UBXN8: variants seen among roughly 807,000 people sequenced by gnomAD.
UBXN8 encodes UBX domain protein 8.
UBXN8 carries 27 observed loss-of-function variants against 32.1 expected under a neutral mutation model. The ratio of observed to expected loss-of-function variants is 0.84; its 90% CI spans 0.62 to 1.16. UBXN8 has a LOEUF of 1.16. Ranked by LOEUF, UBXN8 falls within the 50% of genes most tolerant of loss-of-function variation. The pLI, the probability that UBXN8 is intolerant of heterozygous loss-of-function variation, is 0.00. For missense variants in UBXN8, 306 were observed against 311.4 expected (o/e 0.98, Z 0.13); for synonymous variants, 109 against 111.8 (o/e 0.98, Z 0.16).
Position 30,734,868 on chromosome 8 carries a change from G to A in UBXN8, c.622+1560G>A, listed in dbSNP as rs144486271. ...CTGAGGTAGCAGATCACTTGAGCCCGGGGCGTTGAGGCTGTGGTGAAATGT... is the reference window on the plus strand; with the variant it reads ...CTGAGGTAGCAGATCACTTGAGCCCAGGGCGTTGAGGCTGTGGTGAAATGT... On this transcript the variant is annotated intron_variant, in intron 1 of 1. Coordinates refer to the UBXN8 transcript ENST00000522968. Among the ~76,000 whole-genome samples the A allele has an allele frequency of 5.0e-3, 768 of 152,136 alleles. 5 individuals are homozygous for A. Among genetic ancestry groups the A allele is most frequent in the African/African-American group, 0.017 (721 of 41,516 alleles).
chr8:30,754,956 GT>G (rs34741520), intron 4 of UBXN8, among the ~76,000 whole-genome samples, 169 bp downstream of exon 4: 140 of 129,622 alleles, frequency 1.1e-3, no homozygotes, highest in Admixed American at 2.7e-3. Context: ...GGGGTTGGTC[GT>G]TTTTTTTTTT....
At chr8:30,755,631 C>T (rs1805636847) in intron 4 of UBXN8, among the ~76,000 whole-genome samples, 1 of 151,632 alleles carries the variant, frequency 6.6e-6, no homozygotes, top group African/African-American at 2.4e-5. Flanking sequence ...TAGTGTGTGG[C>T]TGTAGTCTCA....
intron 4 of UBXN8, 95 bp from the exon 5 acceptor site, chr8:30,756,670 A>C: frequency 6.5e-7 from 1 of 1,541,314 alleles, no homozygotes; most frequent in Non-Finnish European, 8.8e-7. Context: ...CTGATATGCC[A>C]TCAGGGTAAA....
At chr8:30,761,836 G>GGGGGC (rs1805840083) in intron 6 of UBXN8, among the ~76,000 whole-genome samples, 2 of 152,102 alleles carry the variant, frequency 1.3e-5, no homozygotes, top group African/African-American at 2.4e-5. Flanking sequence ...GTTTGCTGTT[G>GGGGGC]GGGGCTGGGC....
upstream of UBXN8, chr8:30,744,037 T>C: frequency 1.5e-6 from 1 of 677,474 alleles, no homozygotes; most frequent in South Asian, 1.8e-5. Context: ...AACACGGGGC[T>C]TAGCTCCCCC....
chr8:30,754,426 G>A, intron 3 of UBXN8: 1 of 599,402 alleles, frequency 1.7e-6, no homozygotes, highest in Non-Finnish European at 3.2e-6. Flanking sequence ...TTCCCAGCAT[G>A]AAAACCACAA....
chr8:30,739,076 A>G (rs1805133693), intron 1 of UBXN8, among the ~76,000 whole-genome samples: 1 of 150,810 alleles, frequency 6.6e-6, no homozygotes, highest in Non-Finnish European at 1.5e-5. Context: ...TGGAGGGGGA[A>G]AAAAGGAGAC....
chr8:30,760,441 A>ATTTT (rs1263036658), intron 5 of UBXN8, among the ~76,000 whole-genome samples: 513 of 49,076 alleles, frequency 0.01, 7 homozygotes, highest in African/African-American at 0.028. Context: ...ATATATATAT[A>ATTTT]TATTTTTTTT....
chr8:30,755,048 C>T (rs1247627820), intron 4 of UBXN8, among the ~76,000 whole-genome samples: 2 of 151,794 alleles, frequency 1.3e-5, no homozygotes, highest in South Asian at 2.1e-4. Context: ...CTCCGCCTCC[C>T]AGGTTCATGC....
Position 30,760,921 on chromosome 8 carries a change from G to A in UBXN8, c.562G>A (p.Ala188Thr). 6.5e-7 allele frequency: 1 copy of A among 1,533,558 alleles called. No homozygotes were observed. Among genetic ancestry groups the A allele is most frequent in the Non-Finnish European group, 8.8e-7 (1 of 1,137,680 alleles). 95.0% of individuals were successfully genotyped at this position (1,533,558 alleles called of 1,614,324 possible). ...TTTACCTGAAGAACCTTCTCAAACA[G>A]CAGAAGAAGTAAGTCTATTTTTCTC... is the stretch of plus-strand genomic sequence containing the variant. ...PDLPEEPSQT[A>T]EEVVTVALRC... The change falls in exon 6 of 8, where the codon GCA (alanine) becomes ACA (threonine). Residue 188 changes from alanine to threonine, a missense_variant. Ala to Thr is a moderately conservative substitution (Grantham distance 58, BLOSUM62 0). Coordinates refer to ENST00000265616, the MANE Select transcript of UBXN8 (RefSeq NM_005671.4).
intron 4 of UBXN8, among the ~76,000 whole-genome samples, chr8:30,755,495 G>A (rs947908150): frequency 3.3e-5 from 5 of 152,090 alleles, no homozygotes; most frequent in African/African-American, 1.2e-4. Context: ...GCTAACGCCT[G>A]TAATCCCAGC....
At chr8:30,762,893 A>G (rs781244965) in intron 6 of UBXN8, among the ~76,000 whole-genome samples, 24 of 148,652 alleles carry the variant, frequency 1.6e-4, no homozygotes, top group Admixed American at 4.0e-4. Flanking sequence ...TTTTTTAAAC[A>G]GAGTCTTGCT....
At chr8:30,746,238 T>C (rs951479435) in intron 1 of UBXN8, among the ~76,000 whole-genome samples, 2 of 152,194 alleles carry the variant, frequency 1.3e-5, no homozygotes, top group African/African-American at 2.4e-5. Flanking sequence ...TCTGAACGAA[T>C]GATTGTTTCC....
At chr8:30,750,510 C>T (rs374942868) in intron 1 of UBXN8, among the ~76,000 whole-genome samples, 3 of 151,316 alleles carry the variant, frequency 2.0e-5, no homozygotes, top group East Asian at 3.9e-4. Context: ...CGGTGGCTCA[C>T]GCTTGTAATC....
chr8:30,757,859 CA>C (rs76218678), intron 5 of UBXN8, among the ~76,000 whole-genome samples: 1,140 of 55,978 alleles, frequency 0.02, 8 homozygotes, highest in African/African-American at 0.049. Context: ...GACTCCGTCT[CA>C]AAAAAAAAAA....
At chr8:30,764,762 A>G (rs1805951165) in intron 7 of UBXN8, among the ~76,000 whole-genome samples, 1 of 152,220 alleles carries the variant, frequency 6.6e-6, no homozygotes, top group African/African-American at 2.4e-5. Context: ...AAACTTTAAT[A>G]GTTTTTTGGC....
upstream of UBXN8, among the ~76,000 whole-genome samples, chr8:30,743,799 C>G (rs540468465): frequency 6.6e-6 from 1 of 152,352 alleles, no homozygotes; most frequent in South Asian, 2.1e-4. Flanking sequence ...TATACGGCCA[C>G]AAGGCCGGGG....
intron 1 of UBXN8, among the ~76,000 whole-genome samples, chr8:30,739,073 G>A (rs1563555430): frequency 6.6e-6 from 1 of 150,720 alleles, no homozygotes; most frequent in Non-Finnish European, 1.5e-5. Context: ...AGATGGAGGG[G>A]GAAAAAAGGA....
upstream of UBXN8, among the ~76,000 whole-genome samples, chr8:30,743,533 T>G (rs751055679): frequency 8.5e-5 from 13 of 152,160 alleles, no homozygotes; most frequent in Non-Finnish European, 1.6e-4. Context: ...AGTGGTGAGT[T>G]ATAGGACGGC....
Sources: gnomAD v4.1 joint callset for allele counts (sites outside exome capture counted in the v4.1 genomes callset) on GRCh38, gnomAD v4.1.1 for gene constraint, MANE v1.5 for transcripts, NCBI Gene and HGNC (gene_info 2026-07-23, HGNC 2026-07-21) for gene names.